ZFYVE9: variants seen among roughly 807,000 people sequenced by gnomAD.
ZFYVE9 encodes the protein zinc finger FYVE domain-containing protein 9.
Under a neutral mutation model 126.7 loss-of-function variants are expected in ZFYVE9, and 43 were observed. The ratio of observed to expected loss-of-function variants is 0.34; its 90% CI spans 0.27 to 0.44. ZFYVE9 has a LOEUF of 0.44. Among genes scored for constraint, ZFYVE9 ranks in the 20% least tolerant of loss-of-function variants. The pLI, the probability that ZFYVE9 is intolerant of heterozygous loss-of-function variation, is 1.00. For synonymous variants in ZFYVE9, 521 were observed against 597.4 expected, an observed-to-expected ratio of 0.87 and a Z score of 1.87; for missense variants, 1,476 against 1,697.0, an observed-to-expected ratio of 0.87 and a Z score of 2.29.
chr1:52,180,967 C>T (rs1407775135), intron 1 of ZFYVE9, among the ~76,000 whole-genome samples: 1 of 136,378 alleles, frequency 7.3e-6, no homozygotes, highest in Non-Finnish European at 1.5e-5. Context: ...AAGAGCAAAA[C>T]TCCGTCTCAA....
Position 52,175,880 on chromosome 1 carries a change from T to G in ZFYVE9, c.-143+33477T>G, listed in dbSNP as rs536326493. ...TTAAGCACTTCTCTGTATTGGTTAT[T>G]CTAGTTATACATTTGTCTAAGTTTT... On this transcript the variant is annotated intron_variant, in intron 1 of 18. Coordinates refer to ENST00000287727, the MANE Select transcript of ZFYVE9 (RefSeq NM_004799.4). Among the ~76,000 whole-genome samples the G allele has an allele frequency of 1.3e-4, 20 of 152,340 alleles. 1 individual carries two copies. The South Asian group carries it at 3.1e-3, about 24-fold the overall frequency.
At chr1:52,162,009 A>G (rs956780889) in intron 1 of ZFYVE9, among the ~76,000 whole-genome samples, 3 of 152,168 alleles carry the variant, frequency 2.0e-5, no homozygotes, top group Admixed American at 2.0e-4. Flanking sequence ...TCAAAATGAC[A>G]ACAATTACAT....
rs1207448299 is a variant in ZFYVE9, at chr1:52,256,059, CTCTCTT to C, written c.2179-7710_2179-7705del. On this transcript the variant is annotated intron_variant, in intron 4 of 18. Coordinates refer to ENST00000287727, the MANE Select transcript of ZFYVE9 (RefSeq NM_004799.4). ...TTTCTTTCTTTCTCTCTCTCTCTCT[CTCTCTT>C]TCTTTCTTTTCTTTCTTTCAGATGG... Among the ~76,000 whole-genome samples the C allele has an allele frequency of 8.1e-5, 12 of 148,060 alleles. No individual in the cohort carries two copies. The East Asian group carries it at 1.6e-3, about 20-fold the overall frequency.
At chr1:52,193,181 T>C (rs2124558003) in intron 1 of ZFYVE9, among the ~76,000 whole-genome samples, 1 of 152,168 alleles carries the variant, frequency 6.6e-6, no homozygotes, top group South Asian at 2.1e-4. Context: ...CCTGAGTACC[T>C]GGGACTACCC....
intron 1 of ZFYVE9, among the ~76,000 whole-genome samples, chr1:52,193,822 G>T (rs191227745): frequency 4.0e-5 from 6 of 151,514 alleles, no homozygotes; most frequent in African/African-American, 1.5e-4. Flanking sequence ...ACACACATGT[G>T]TCCAAGGAGG....
At chr1:52,257,115 A>C (rs1645529491) in intron 4 of ZFYVE9, among the ~76,000 whole-genome samples, 1 of 152,214 alleles carries the variant, frequency 6.6e-6, no homozygotes, top group African/African-American at 2.4e-5. Context: ...TTTGAATATA[A>C]AGCATGTTCA....
At chr1:52,170,158 A>G (rs1230616429) in intron 1 of ZFYVE9, among the ~76,000 whole-genome samples, 5 of 152,212 alleles carry the variant, frequency 3.3e-5, no homozygotes, top group Non-Finnish European at 7.3e-5. Flanking sequence ...CTTAGTTTCT[A>G]TAACATTAAT....
intron 4 of ZFYVE9, among the ~76,000 whole-genome samples, 189 bp from the exon 5 acceptor site, chr1:52,263,581 ATTG>A (rs1189679148): frequency 6.6e-6 from 1 of 151,980 alleles, no homozygotes; most frequent in African/African-American, 2.4e-5. Context: ...CCATTTCTTT[ATTG>A]TTGACAGACT....
chr1:52,293,368 C>G (rs1645941901), intron 10 of ZFYVE9, 85 bp from the exon 11 acceptor site: 1 of 1,173,382 alleles, frequency 8.5e-7, no homozygotes. Context: ...AACAGCCAGA[C>G]TCCGTCTCAA....
intron 13 of ZFYVE9, among the ~76,000 whole-genome samples, chr1:52,309,241 C>T (rs974538329): frequency 5.3e-5 from 8 of 152,144 alleles, no homozygotes; most frequent in Middle Eastern, 3.2e-3. Context: ...CTTTGGGAGG[C>T]CAAGGTGGGC....
Position 52,238,356 on chromosome 1 carries a change from G to A in ZFYVE9, c.939G>A (p.Met313Ile), listed in dbSNP as rs1318074774. 1.2e-6 allele frequency: 2 copies of A among 1,613,766 alleles called. No homozygotes were observed. The highest frequency in any genetic ancestry group is 2.7e-5 in the African/African-American group (2 of 75,024). ...DLGSPNSFSH[M>I]SEGILMKKEP... ...GGAGTCCAAATTCCTTTTCCCACAT[G>A]AGTGAGGGGATTTTGATGAAAAAAG... The change falls in exon 4 of 19, where the codon ATG becomes ATA. Residue 313 changes from methionine to isoleucine, a missense_variant. By Grantham distance (10) the Met-to-Ile change is conservative (BLOSUM62 1). This residue lies in a region of ZFYVE9 where 807 missense variants were observed against 794.6 expected (regional missense o/e 1.02). Coordinates refer to ENST00000287727, the MANE Select transcript of ZFYVE9 (RefSeq NM_004799.4).
chr1:52,325,820 C>G (rs1646286424), intron 13 of ZFYVE9, among the ~76,000 whole-genome samples: 1 of 152,174 alleles, frequency 6.6e-6, no homozygotes, highest in Non-Finnish European at 1.5e-5. Flanking sequence ...CTTTCCAGTT[C>G]AAATCGAAAG....
At chr1:52,180,500 C>T in intron 1 of ZFYVE9, 1 of 822,276 alleles carries the variant, frequency 1.2e-6, no homozygotes, top group Non-Finnish European at 2.1e-6. Flanking sequence ...TATTGCTGTC[C>T]TCAGTGCAAT....
At chr1:52,256,035 T>G (rs892658053) in intron 4 of ZFYVE9, among the ~76,000 whole-genome samples, 1 of 60,522 alleles carries the variant, frequency 1.7e-5, no homozygotes, top group Non-Finnish European at 2.7e-5. Flanking sequence ...CTTTCTGTCT[T>G]TCTTTCTTTC....
intron 8 of ZFYVE9, among the ~76,000 whole-genome samples, chr1:52,276,241 T>A (rs866235178): frequency 6.6e-6 from 1 of 152,184 alleles, no homozygotes; most frequent in African/African-American, 2.4e-5. Flanking sequence ...TCAGCCTGTC[T>A]TTCTAGCCAT....
intron 1 of ZFYVE9, among the ~76,000 whole-genome samples, chr1:52,203,246 A>C (rs1436770754): frequency 6.6e-6 from 1 of 151,670 alleles, no homozygotes; most frequent in Non-Finnish European, 1.5e-5. Flanking sequence ...CAGTGGCCTG[A>C]TCTCGGTTAA....
chr1:52,189,513 A>G (rs1644797597), intron 1 of ZFYVE9, among the ~76,000 whole-genome samples: 1 of 152,004 alleles, frequency 6.6e-6, no homozygotes, highest in Non-Finnish European at 1.5e-5. Context: ...CTGGAATTAC[A>G]GGTGCGAGCC....
intron 10 of ZFYVE9, among the ~76,000 whole-genome samples, chr1:52,283,428 G>A (rs975985434): frequency 6.6e-6 from 1 of 152,194 alleles, no homozygotes; most frequent in Non-Finnish European, 1.5e-5. Flanking sequence ...TGGAAGCAGT[G>A]TGAAAAATGG....
chr1:52,305,959 T>C (rs1195955384), intron 13 of ZFYVE9, among the ~76,000 whole-genome samples: 1 of 152,186 alleles, frequency 6.6e-6, no homozygotes, highest in Admixed American at 6.5e-5. Context: ...ATGGGGGATG[T>C]GTGCAGCTCA....
Sources: allele counts gnomAD v4.1 joint callset (sites outside exome capture counted in the v4.1 genomes callset), GRCh38; gene constraint gnomAD v4.1.1; regional missense constraint gnomAD v4.1.1; transcripts MANE v1.5; gene names NCBI Gene and HGNC (gene_info 2026-07-23, HGNC 2026-07-21).